The following CRIM1 variants were observed in gnomAD, a reference collection of about 807,000 sequenced individuals.
CRIM1 encodes cysteine rich transmembrane BMP regulator 1.
In CRIM1, 32 loss-of-function variants were observed where a neutral mutation model predicts 116.4. That is an observed-to-expected ratio of 0.27 (90% confidence interval 0.21 to 0.37). CRIM1 has a LOEUF of 0.37. Ranked by LOEUF, CRIM1 falls within the 10% of genes least tolerant of loss-of-function variation. The pLI is 1.00. For synonymous variants in CRIM1, 590 were observed against 509.2 expected, an observed-to-expected ratio of 1.16 and a Z score of -2.13; for missense variants, 1,331 against 1,354.8, an observed-to-expected ratio of 0.98 and a Z score of 0.28.
At chr2:36,453,886 C>T (rs138322788) in intron 4 of CRIM1, among the ~76,000 whole-genome samples, 1 of 152,274 alleles carries the variant, frequency 6.6e-6, no homozygotes, top group Non-Finnish European at 1.5e-5. Context: ...GAGAGAAGGG[C>T]ATTCTAGGCT....
At chr2:36,437,140 C>T (rs2124922407) in intron 2 of CRIM1, among the ~76,000 whole-genome samples, 1 of 152,314 alleles carries the variant, frequency 6.6e-6, no homozygotes, top group South Asian at 2.1e-4. Context: ...CTTTGGGAGG[C>T]CGAGGCGGGC....
intron 1 of CRIM1, chr2:36,368,985 T>A (rs1385599598): frequency 1.3e-5 from 2 of 152,220 alleles, no homozygotes; most frequent in Non-Finnish European, 2.9e-5. Context: ...TTACCGTCTC[T>A]CTTCCAGGCT....
intron 1 of CRIM1, among the ~76,000 whole-genome samples, chr2:36,395,916 C>T (rs530299313): frequency 1.1e-3 from 171 of 152,278 alleles, no homozygotes; most frequent in African/African-American, 3.9e-3. Context: ...AAGTTGGTCT[C>T]TATCAATAGA....
intron 14 of CRIM1, among the ~76,000 whole-genome samples, chr2:36,538,257 C>T (rs1666695118): frequency 3.9e-5 from 6 of 152,172 alleles, no homozygotes; most frequent in Admixed American, 3.9e-4. Flanking sequence ...ATGCCTGCAT[C>T]TCCTGCCAAA....
rs554680016 is a variant in CRIM1 at position 36,441,308 on chromosome 2, C to T, written c.556C>T (p.Arg186Cys). Reference sequence around the variant, plus strand: ...CCGCTGTGAAGTCCAGTTCTCTCCACGTTGTCCTGAAGATTCTGTTCTGAT... The same window carrying T: ...CCGCTGTGAAGTCCAGTTCTCTCCATGTTGTCCTGAAGATTCTGTTCTGAT... ...KARCEVQFSP[R>C]CPEDSVLIEG... The change falls in exon 3 of 17, where the codon CGT becomes TGT. Residue 186 changes from arginine to cysteine, a missense_variant. Physicochemically the swap from Arg to Cys is radical, Grantham distance 180. Transcript: ENST00000280527. 9.9e-6 allele frequency: 16 copies of T among 1,614,206 alleles called. No individual in the cohort carries two copies. The Admixed American group carries it at 1.2e-4, about 12-fold the overall frequency.
intron 4 of CRIM1, among the ~76,000 whole-genome samples, chr2:36,458,221 C>T (rs1445475705): frequency 6.6e-6 from 1 of 152,166 alleles, no homozygotes; most frequent in Non-Finnish European, 1.5e-5. Context: ...GCTGCCTCCT[C>T]TGCAGAAGGA....
chr2:36,439,335 A>G (rs1463199656), intron 2 of CRIM1, among the ~76,000 whole-genome samples: 1 of 152,112 alleles, frequency 6.6e-6, no homozygotes, highest in Non-Finnish European at 1.5e-5. Flanking sequence ...CTCCCCAGAT[A>G]TTGTGTGCCT....
At chr2:36,404,629 G>A (rs1672653805) in intron 2 of CRIM1, among the ~76,000 whole-genome samples, 1 of 152,212 alleles carries the variant, frequency 6.6e-6, no homozygotes, top group Non-Finnish European at 1.5e-5. Context: ...GCTTTTACCT[G>A]AGGACTATTT....
chr2:36,527,482 C>T (rs1665830818), intron 13 of CRIM1, among the ~76,000 whole-genome samples: 1 of 152,138 alleles, frequency 6.6e-6, no homozygotes, highest in Non-Finnish European at 1.5e-5. Flanking sequence ...TATTTCTTCT[C>T]AACTGGCTGT....
In CRIM1 at chr2:36,522,096, A is replaced by G. The variant is rs2125130606; in HGVS notation, c.2211A>G (p.Gln737=). The G allele has an allele frequency of 6.2e-7, 1 of 1,613,984 alleles. No individual in the cohort carries two copies. The highest frequency in any genetic ancestry group is 8.5e-7 in the Non-Finnish European group (1 of 1,179,886). The change falls in exon 13 of 17, where the codon CAA becomes CAG. Residue 737 remains glutamine (Q), a synonymous_variant. Transcript: ENST00000280527. ...CCTATATGTTCATTTTTCCAGATCA[A>G]CCTTTTCGGCCTTCCTTGTCCCGCA... ...QDSCCPQCTD[Q]PFRPSLSRNN...
chr2:36,395,128 C>CT (rs1020077972), intron 1 of CRIM1, among the ~76,000 whole-genome samples: 2 of 151,780 alleles, frequency 1.3e-5, no homozygotes, highest in Non-Finnish European at 2.9e-5. Context: ...AATTATCCCC[C>CT]TTCAGCCTCC....
intron 13 of CRIM1, among the ~76,000 whole-genome samples, chr2:36,535,136 GGGGAAGGAAGGAGAGA>G (rs1666447188): frequency 8.8e-6 from 1 of 113,986 alleles, no homozygotes; most frequent in African/African-American, 4.1e-5. Context: ...AGGGAGGGAA[GGGGAAGGAAGGAGAGA>G]GGGGGAAGGA....
chr2:36,427,562 A>G (rs897528965), intron 2 of CRIM1, among the ~76,000 whole-genome samples: 7 of 152,270 alleles, frequency 4.6e-5, no homozygotes, highest in Admixed American at 2.0e-4. Context: ...GCATTCTACC[A>G]TCTTTCATGT....
At chr2:36,435,280 G>A (rs1033221400) in intron 2 of CRIM1, among the ~76,000 whole-genome samples, 6 of 152,086 alleles carry the variant, frequency 3.9e-5, no homozygotes, top group South Asian at 2.1e-4. Context: ...TGAATTCCCC[G>A]AAGTAGCTTG....
At chr2:36,459,211 A>G (rs771369674) in intron 4 of CRIM1, among the ~76,000 whole-genome samples, 7 of 152,064 alleles carry the variant, frequency 4.6e-5, no homozygotes, top group Non-Finnish European at 1.0e-4. Flanking sequence ...TGGAGAGCCT[A>G]TTATATGGGC....
intron 4 of CRIM1, among the ~76,000 whole-genome samples, chr2:36,456,471 G>C (rs535087223): frequency 5.3e-4 from 81 of 152,322 alleles, no homozygotes; most frequent in African/African-American, 1.9e-3. Context: ...TCCACAGCGT[G>C]ATGTGCCAGT....
intron 13 of CRIM1, among the ~76,000 whole-genome samples, chr2:36,528,072 T>A (rs1276977845): frequency 6.6e-6 from 1 of 152,196 alleles, no homozygotes; most frequent in Admixed American, 6.5e-5. Context: ...ATAATGTACA[T>A]ATGCAAAAAT....
intron 5 of CRIM1, among the ~76,000 whole-genome samples, chr2:36,466,800 T>TC (rs1296637225): frequency 6.6e-6 from 1 of 152,200 alleles, no homozygotes; most frequent in African/African-American, 2.4e-5. Flanking sequence ...GTAGGAATCC[T>TC]CCATCTATTT....
intron 1 of CRIM1, among the ~76,000 whole-genome samples, chr2:36,392,326 T>C (rs1671678049): frequency 6.6e-6 from 1 of 152,218 alleles, no homozygotes; most frequent in South Asian, 2.1e-4. Context: ...AACTTAAAAA[T>C]ACATTTGCAG....
Sources: allele counts gnomAD v4.1 joint callset (sites outside exome capture counted in the v4.1 genomes callset), GRCh38; gene constraint gnomAD v4.1.1; transcripts MANE v1.5; gene names NCBI Gene and HGNC (gene_info 2026-07-23, HGNC 2026-07-21).